The following SGIP1 variants were observed in gnomAD, a reference collection of about 807,000 sequenced individuals.
SGIP1 encodes the protein SH3-containing GRB2-like protein 3-interacting protein 1.
SGIP1 carries 38 observed loss-of-function variants against 107.5 expected under a neutral mutation model. That is an observed-to-expected ratio of 0.35 (90% CI 0.27 to 0.46). SGIP1 has a LOEUF of 0.46. Ranked by LOEUF, SGIP1 falls within the 20% of genes least tolerant of loss-of-function variation. SGIP1 has a pLI of 1.00. For missense variants in SGIP1, 929 were observed against 1,019.5 expected (o/e 0.91, Z 1.21); for synonymous variants, 365 against 366.1 (o/e 1.00, Z 0.03).
chr1:66,581,030 T>C (rs879648555), intron 1 of SGIP1, among the ~76,000 whole-genome samples: 2 of 152,090 alleles, frequency 1.3e-5, no homozygotes, highest in Admixed American at 1.3e-4. Flanking sequence ...CTTAAGCAAA[T>C]GTATGGAAAA....
intron 24 of SGIP1, among the ~76,000 whole-genome samples, chr1:66,741,814 C>T (rs2094454348): frequency 1.3e-5 from 2 of 151,612 alleles, no homozygotes; most frequent in South Asian, 2.1e-4. Context: ...ATTGCCCAGG[C>T]TGGACTGCAG....
intron 1 of SGIP1, among the ~76,000 whole-genome samples, chr1:66,576,174 G>A (rs1006369131): frequency 4.6e-5 from 7 of 152,200 alleles, no homozygotes; most frequent in African/African-American, 1.7e-4. Flanking sequence ...AACAAAGAAG[G>A]AGGTACTGTG....
chr1:66,615,373 C>T (rs58064608), intron 1 of SGIP1, among the ~76,000 whole-genome samples: 21,752 of 151,852 alleles, frequency 0.14, 1,626 homozygotes, highest in African/African-American at 0.18. Flanking sequence ...CCTCAGGTGA[C>T]CCGCCTGCCT....
chr1:66,682,784 T>A (rs1350835703), intron 15 of SGIP1, among the ~76,000 whole-genome samples: 1 of 151,306 alleles, frequency 6.6e-6, no homozygotes. Flanking sequence ...GTGTTATGTG[T>A]GTATGTAGGC....
chr1:66,710,341 T>C (rs894079037), intron 18 of SGIP1, among the ~76,000 whole-genome samples: 8 of 152,138 alleles, frequency 5.3e-5, no homozygotes, highest in East Asian at 3.8e-4. Context: ...TGAAACTGTA[T>C]GTTACATGAC....
chr1:66,726,514 T>C (rs2093764661), intron 19 of SGIP1, among the ~76,000 whole-genome samples: 1 of 152,178 alleles, frequency 6.6e-6, no homozygotes, highest in Non-Finnish European at 1.5e-5. Context: ...GACAGTGCAA[T>C]ACTGGCTTAA....
At chr1:66,557,752 G>C (rs1321574629) in intron 1 of SGIP1, among the ~76,000 whole-genome samples, 1 of 152,090 alleles carries the variant, frequency 6.6e-6, no homozygotes, top group Non-Finnish European at 1.5e-5. Flanking sequence ...CTCACCTATT[G>C]TTACCAAAAA....
intron 18 of SGIP1, among the ~76,000 whole-genome samples, chr1:66,716,792 A>G (rs532562326): frequency 6.6e-6 from 1 of 152,256 alleles, no homozygotes; most frequent in South Asian, 2.1e-4. Context: ...TATGATTTTA[A>G]TGACTATAAA....
chr1:66,701,831 G>A (rs2091941370), intron 18 of SGIP1, among the ~76,000 whole-genome samples: 1 of 152,164 alleles, frequency 6.6e-6, no homozygotes, highest in Non-Finnish European at 1.5e-5. Flanking sequence ...CCCTGTTTCT[G>A]GCCTGAGGTC....
At chr1:66,674,258 G>C (rs1425168886) in intron 12 of SGIP1, among the ~76,000 whole-genome samples, 1 of 148,836 alleles carries the variant, frequency 6.7e-6, no homozygotes, top group African/African-American at 2.6e-5. Context: ...TTTATTCCTA[G>C]AGTTAAACAT....
chr1:66,560,111 A>T (rs1285292853), intron 1 of SGIP1, among the ~76,000 whole-genome samples: 1 of 152,038 alleles, frequency 6.6e-6, no homozygotes, highest in East Asian at 1.9e-4. Flanking sequence ...TCTGCAGCAG[A>T]GAGGTCTGGA....
chr1:66,727,749 A>G (rs1212989824), intron 19 of SGIP1, among the ~76,000 whole-genome samples: 1 of 152,190 alleles, frequency 6.6e-6, no homozygotes, highest in Non-Finnish European at 1.5e-5. Flanking sequence ...CAAAATAATT[A>G]TGTGCAGTGA....
At chr1:66,714,109 T>C (rs887106171) in intron 18 of SGIP1, among the ~76,000 whole-genome samples, 1 of 152,158 alleles carries the variant, frequency 6.6e-6, no homozygotes, top group Non-Finnish European at 1.5e-5. Flanking sequence ...ATATTAGTCA[T>C]ATGTTTTCAA....
At chr1:66,546,604 G>A (rs533672918) in intron 1 of SGIP1, among the ~76,000 whole-genome samples, 4 of 152,306 alleles carry the variant, frequency 2.6e-5, no homozygotes, top group Admixed American at 2.0e-4. Context: ...CTTAGATTAA[G>A]GAGTCTTGTG....
At chr1:66,660,473 A>G in intron 7 of SGIP1, 40 bp from the exon 8 acceptor site, 1 of 1,593,906 alleles carries the variant, frequency 6.3e-7, no homozygotes, top group Non-Finnish European at 8.6e-7. Context: ...CACCTCTCTC[A>G]TTTTCTCTTT....
At chr1:66,559,233 G>C (rs1184172026) in intron 1 of SGIP1, among the ~76,000 whole-genome samples, 1 of 152,074 alleles carries the variant, frequency 6.6e-6, no homozygotes, top group Admixed American at 6.6e-5. Flanking sequence ...ATTTCTAACA[G>C]GCTTATAGGG....
intron 18 of SGIP1, among the ~76,000 whole-genome samples, chr1:66,701,240 C>T (rs1168906581): frequency 6.6e-6 from 1 of 152,082 alleles, no homozygotes; most frequent in South Asian, 2.1e-4. Context: ...AAGATATGAC[C>T]AATTTTCTGG....
chr1:66,615,857 G>T (rs12044655), intron 1 of SGIP1: 1 of 152,086 alleles, frequency 6.6e-6, no homozygotes, highest in Non-Finnish European at 1.5e-5. Flanking sequence ...ACAGATCAAG[G>T]TTCTAAGGGA....
At position 66,739,328 on chromosome 1, in the gene SGIP1, C is replaced by T. The variant is rs746121269; in HGVS notation, c.2032-7C>T. 8.7e-6 allele frequency: 14 copies of T among 1,605,976 alleles called. No individual in the cohort carries two copies. In the Admixed American group the frequency reaches 1.8e-4, roughly 21 times the overall value. ...TGTTGTTATTTTCTTTCCTGTCGTT[C>T]GGCAAGGTGTCTGCCCAGGGCATTC... On this transcript the variant is annotated splice_region_variant and splice_polypyrimidine_tract_variant and intron_variant, in intron 21 of 24. Coordinates refer to ENST00000371037, the MANE Select transcript of SGIP1 (RefSeq NM_032291.4).
Sources: gnomAD v4.1 joint callset for allele counts (sites outside exome capture counted in the v4.1 genomes callset) on GRCh38, gnomAD v4.1.1 for gene constraint, MANE v1.5 for transcripts, NCBI Gene and HGNC (gene_info 2026-07-23, HGNC 2026-07-21) for gene names.